Variants in EPS15 observed in about 807,000 individuals in gnomAD.
The protein encoded by EPS15 is epidermal growth factor receptor pathway substrate 15.
A neutral mutation model predicts 113.8 loss-of-function variants in EPS15; 72 were observed. The ratio of observed to expected loss-of-function variants is 0.63; its 90% CI spans 0.52 to 0.77. The LOEUF (loss-of-function observed/expected upper bound fraction) is 0.77. EPS15 is among the 30% of genes least tolerant of loss of function. EPS15 has a pLI of 0.00. For synonymous variants in EPS15, 344 were observed against 363.4 expected, an observed-to-expected ratio of 0.95 and a Z score of 0.61; for missense variants, 1,048 against 1,045.8, an observed-to-expected ratio of 1.00 and a Z score of -0.03.
At chr1:51,460,340 T>C (rs573211003) in intron 8 of EPS15, among the ~76,000 whole-genome samples, 1 of 152,332 alleles carries the variant, frequency 6.6e-6, no homozygotes, top group East Asian at 1.9e-4. Context: ...ATTCAATTAC[T>C]AAGATGACAT....
intron 8 of EPS15, among the ~76,000 whole-genome samples, chr1:51,456,541 T>C (rs946769904): frequency 6.6e-6 from 1 of 152,202 alleles, no homozygotes; most frequent in African/African-American, 2.4e-5. Context: ...TAAACTGCCA[T>C]AGGCCAAAAG....
intron 17 of EPS15, among the ~76,000 whole-genome samples, chr1:51,403,182 C>T (rs899722938): frequency 2.6e-5 from 4 of 152,136 alleles, no homozygotes; most frequent in African/African-American, 9.7e-5. Context: ...GGACTACAGG[C>T]ACTTGCCACC....
intron 21 of EPS15, among the ~76,000 whole-genome samples, chr1:51,374,518 C>G (rs1311416991): frequency 6.6e-6 from 1 of 151,998 alleles, no homozygotes; most frequent in African/African-American, 2.4e-5. Context: ...GCAGGAGAAT[C>G]GCTTGAACCT....
intron 10 of EPS15, among the ~76,000 whole-genome samples, chr1:51,446,279 G>C (rs1653040924): frequency 6.6e-6 from 1 of 152,126 alleles, no homozygotes; most frequent in Admixed American, 6.6e-5. Flanking sequence ...CCTATGTGAA[G>C]GTATGAAAGT....
intron 20 of EPS15, among the ~76,000 whole-genome samples, chr1:51,395,284 G>C (rs1426575911): frequency 6.6e-6 from 1 of 152,030 alleles, no homozygotes; most frequent in Non-Finnish European, 1.5e-5. Flanking sequence ...TTAAAACTAA[G>C]AACACTGGTA....
chr1:51,357,415 TA>T (rs1557761498), intron 24 of EPS15, among the ~76,000 whole-genome samples: 2 of 61,868 alleles, frequency 3.2e-5, no homozygotes, highest in African/African-American at 1.8e-4. Flanking sequence ...TATATATATA[TA>T]TATATATATA....
intron 13 of EPS15, among the ~76,000 whole-genome samples, chr1:51,411,742 C>T (rs1649745149): frequency 6.6e-6 from 1 of 152,172 alleles, no homozygotes; most frequent in Non-Finnish European, 1.5e-5. Flanking sequence ...AACAGGAACG[C>T]TTTTACACTG....
intron 11 of EPS15, among the ~76,000 whole-genome samples, chr1:51,444,637 A>C (rs922384857): frequency 6.6e-5 from 10 of 152,190 alleles, no homozygotes; most frequent in African/African-American, 2.4e-4. Context: ...AAATAAGCCC[A>C]CATTTTCCAA....
intron 8 of EPS15, chr1:51,460,881 G>A: frequency 2.3e-6 from 1 of 428,932 alleles, no homozygotes. Flanking sequence ...TTGAACCTGG[G>A]AGGTAGAGGT....
chr1:51,417,957 G>T (rs1451142020), intron 13 of EPS15, among the ~76,000 whole-genome samples: 1 of 152,138 alleles, frequency 6.6e-6, no homozygotes, highest in Non-Finnish European at 1.5e-5. Flanking sequence ...ACATCTGAGA[G>T]TCATGATACT....
At chr1:51,392,110 A>C (rs1052224358) in intron 21 of EPS15, among the ~76,000 whole-genome samples, 1 of 152,214 alleles carries the variant, frequency 6.6e-6, no homozygotes, top group Non-Finnish European at 1.5e-5. Flanking sequence ...AGAGGTTGAG[A>C]AAAAGAGGAA....
In EPS15 at chr1:51,403,528, C is replaced by A; in HGVS notation, c.1682G>T (p.Arg561Ile). The A allele has an allele frequency of 6.4e-7, 1 of 1,558,314 alleles. No individual in the cohort carries two copies. Among genetic ancestry groups the A allele is most frequent in the South Asian group, 1.2e-5 (1 of 84,166 alleles). ...SEPIHQESPA[R>I]SSPELLPSGV... ...AGAAGGCAGTAGTTCAGGACTACTT[C>A]TTGCCTACAAAATATTAATGCAAGT... The change falls in exon 17 of 25, where the codon AGA becomes ATA. Residue 561 changes from arginine (R) to isoleucine (I), a missense_variant. Physicochemically the swap from Arg to Ile is moderately conservative, Grantham distance 97. Transcript: ENST00000371733.
intron 1 of EPS15, among the ~76,000 whole-genome samples, chr1:51,483,917 C>G (rs116500376): frequency 6.6e-6 from 1 of 152,038 alleles, no homozygotes; most frequent in Non-Finnish European, 1.5e-5. Context: ...TTGAGATCAG[C>G]CTGGGCAATG....
intron 20 of EPS15, among the ~76,000 whole-genome samples, chr1:51,396,115 T>C (rs1351450860): frequency 2.0e-5 from 3 of 152,210 alleles, no homozygotes; most frequent in Admixed American, 2.0e-4. Flanking sequence ...AATGATAGTA[T>C]TAACTGAGGC....
chr1:51,478,792 C>T (rs1643964476), intron 2 of EPS15, among the ~76,000 whole-genome samples: 1 of 152,240 alleles, frequency 6.6e-6, no homozygotes. Context: ...CCCCCACTCT[C>T]TTCTGGCTGG....
chr1:51,472,986 C>T, intron 2 of EPS15, 38 bp from the exon 3 acceptor site: 1 of 1,496,296 alleles, frequency 6.7e-7, no homozygotes, highest in Non-Finnish European at 9.3e-7. Context: ...CAACAAAATA[C>T]AAAAGGCAAA....
chr1:51,401,102 C>A, intron 18 of EPS15, 149 bp from the exon 19 acceptor site: 1 of 530,898 alleles, frequency 1.9e-6, no homozygotes, highest in East Asian at 3.3e-5. Flanking sequence ...TGTCATTGAC[C>A]TTATGAAATA....
At chr1:51,508,231 A>AG (rs1463202344) in intron 1 of EPS15, among the ~76,000 whole-genome samples, 242 of 113,470 alleles carry the variant, frequency 2.1e-3, no homozygotes, top group African/African-American at 7.4e-3. Context: ...AAGAAAAGAA[A>AG]AGAAAAGAAA....
chr1:51,461,514 T>C (rs944624749), intron 7 of EPS15, among the ~76,000 whole-genome samples: 16 of 133,786 alleles, frequency 1.2e-4, no homozygotes, highest in Non-Finnish European at 2.0e-4. Context: ...AGCTAGACAC[T>C]GTTTCTTAAA....
Sources: gnomAD v4.1 joint callset for allele counts (sites outside exome capture counted in the v4.1 genomes callset) on GRCh38, gnomAD v4.1.1 for gene constraint, MANE v1.5 for transcripts, NCBI Gene and HGNC (gene_info 2026-07-23, HGNC 2026-07-21) for gene names.